FGGY: variants seen among roughly 807,000 people sequenced by gnomAD.
The protein encoded by FGGY is FGGY carbohydrate kinase domain containing.
A neutral mutation model predicts 71.3 loss-of-function variants in FGGY; 72 were observed. That is an observed-to-expected ratio of 1.01 (90% CI 0.84 to 1.23). FGGY has a LOEUF of 1.23. Ranked by LOEUF, FGGY falls within the 50% of genes most tolerant of loss-of-function variation. The pLI, the probability that FGGY is intolerant of heterozygous loss-of-function variation, is 0.00. For synonymous variants in FGGY, 251 were observed against 250.3 expected (o/e 1.00, Z -0.02); for missense variants, 668 against 682.3 (o/e 0.98, Z 0.23).
intron 4 of FGGY, among the ~76,000 whole-genome samples, chr1:59,354,266 A>G (rs967415232): frequency 6.6e-6 from 1 of 152,056 alleles, no homozygotes; most frequent in Non-Finnish European, 1.5e-5. Context: ...TTTTGTAGAG[A>G]TGAGGTTTTA....
chr1:59,305,602 T>C (rs1295297356), intron 1 of FGGY, among the ~76,000 whole-genome samples: 1 of 152,206 alleles, frequency 6.6e-6, no homozygotes, highest in Non-Finnish European at 1.5e-5. Context: ...TATTCCTTCC[T>C]CTTTAATTTT....
chr1:59,761,305 A>G (rs1454718455), intron 15 of FGGY, among the ~76,000 whole-genome samples: 2 of 152,194 alleles, frequency 1.3e-5, no homozygotes, highest in African/African-American at 4.8e-5. Flanking sequence ...CAGAATGCTT[A>G]CAGTCTAATA....
At chr1:59,721,339 T>TTTTTTTTTTTTG (rs1474381326) in intron 14 of FGGY, among the ~76,000 whole-genome samples, 1 of 48,338 alleles carries the variant, frequency 2.1e-5, no homozygotes, top group African/African-American at 5.9e-5. Flanking sequence ...TTTCCTTTGT[T>TTTTTTTTTTTTG]TTTTTTTTTT....
intron 12 of FGGY, 196 bp downstream of exon 12, chr1:59,660,489 A>G (rs2097264572): frequency 4.8e-6 from 2 of 414,386 alleles, no homozygotes; most frequent in African/African-American, 2.0e-5. Context: ...ATAACCTCAC[A>G]TAACAAAAAG....
chr1:59,322,612 A>G (rs1053433708), intron 2 of FGGY, among the ~76,000 whole-genome samples: 1 of 152,194 alleles, frequency 6.6e-6, no homozygotes, highest in Non-Finnish European at 1.5e-5. Flanking sequence ...GCATGGTGGC[A>G]CGAAAACATG....
At chr1:59,496,672 C>T (rs2094043295) in intron 6 of FGGY, among the ~76,000 whole-genome samples, 1 of 150,788 alleles carries the variant, frequency 6.6e-6, no homozygotes, top group African/African-American at 2.4e-5. Context: ...TACCCCTGAG[C>T]CTAAAATAAA....
At chr1:59,297,684 G>A (rs1214607141) in intron 1 of FGGY, among the ~76,000 whole-genome samples, 1 of 152,084 alleles carries the variant, frequency 6.6e-6, no homozygotes, top group South Asian at 2.1e-4. Context: ...TTAGCCGGGC[G>A]TGGTGGCGGG....
intron 14 of FGGY, among the ~76,000 whole-genome samples, chr1:59,681,510 T>TA (rs2097498566): frequency 6.6e-6 from 1 of 152,230 alleles, no homozygotes; most frequent in Admixed American, 6.5e-5. Context: ...CATACTGGTG[T>TA]AAACCTAAAC....
intron 14 of FGGY, among the ~76,000 whole-genome samples, chr1:59,731,456 G>T (rs909922417): frequency 6.6e-6 from 1 of 152,246 alleles, no homozygotes; most frequent in African/African-American, 2.4e-5. Flanking sequence ...GGAAGCTGAC[G>T]CCATGAGTCC....
At chr1:59,722,706 G>A (rs763700984) in intron 14 of FGGY, among the ~76,000 whole-genome samples, 3 of 152,086 alleles carry the variant, frequency 2.0e-5, no homozygotes, top group Non-Finnish European at 2.9e-5. Context: ...TTACTTTCTG[G>A]CACTACAAGG....
chr1:59,495,384 T>A (rs996660138), intron 6 of FGGY, among the ~76,000 whole-genome samples: 3 of 152,268 alleles, frequency 2.0e-5, no homozygotes, highest in Admixed American at 1.3e-4. Context: ...GCTTTTGACA[T>A]CTTCATCGTG....
chr1:59,397,085 T>C (rs2061416581), intron 5 of FGGY, among the ~76,000 whole-genome samples: 1 of 151,814 alleles, frequency 6.6e-6, no homozygotes, highest in Non-Finnish European at 1.5e-5. Flanking sequence ...TTTAACAATG[T>C]CAGGATTTAG....
intron 10 of FGGY, among the ~76,000 whole-genome samples, chr1:59,627,850 C>T (rs562793750): frequency 1.3e-5 from 2 of 152,064 alleles, no homozygotes; most frequent in East Asian, 3.9e-4. Flanking sequence ...ACAGTAATAG[C>T]GTAAAGTAAG....
At chr1:59,721,527 A>G (rs2100644430) in intron 14 of FGGY, among the ~76,000 whole-genome samples, 1 of 151,874 alleles carries the variant, frequency 6.6e-6, no homozygotes, top group South Asian at 2.1e-4. Context: ...TCGTAGAGAC[A>G]GGGTTTCACC....
chr1:59,472,970 C>T (rs139152613), intron 6 of FGGY, among the ~76,000 whole-genome samples: 128 of 152,234 alleles, frequency 8.4e-4, no homozygotes, highest in Middle Eastern at 3.4e-3. Flanking sequence ...GGATTGTAAA[C>T]GCACCAATCA....
At chr1:59,530,040 A>G (rs996865927) in intron 7 of FGGY, among the ~76,000 whole-genome samples, 2 of 152,226 alleles carry the variant, frequency 1.3e-5, no homozygotes, top group African/African-American at 4.8e-5. Flanking sequence ...TAACTTGTTA[A>G]CTTCAAGGCA....
intron 8 of FGGY, among the ~76,000 whole-genome samples, chr1:59,586,654 T>G (rs1390058168): frequency 6.6e-6 from 1 of 151,952 alleles, no homozygotes; most frequent in Non-Finnish European, 1.5e-5. Context: ...ACTTAAAGTA[T>G]AATAATAAAA....
chr1:59,720,325 CA>C (rs528352123), intron 14 of FGGY, among the ~76,000 whole-genome samples: 87 of 152,126 alleles, frequency 5.7e-4, no homozygotes, highest in African/African-American at 1.8e-3. Context: ...CCAAGTATGT[CA>C]GGGGGAAAAA....
At chr1:59,366,551 G>A (rs1007579706) in intron 4 of FGGY, among the ~76,000 whole-genome samples, 1 of 152,128 alleles carries the variant, frequency 6.6e-6, no homozygotes, top group African/African-American at 2.4e-5. Flanking sequence ...ATAATGTTAT[G>A]AGGCTGACTC....
Sources: allele counts gnomAD v4.1 joint callset (sites outside exome capture counted in the v4.1 genomes callset), GRCh38; gene constraint gnomAD v4.1.1; transcripts MANE v1.5; gene names NCBI Gene and HGNC (gene_info 2026-07-23, HGNC 2026-07-21).